Variants in CHUK observed in about 807,000 individuals in gnomAD.
CHUK encodes the protein inhibitor of nuclear factor kappa-B kinase subunit alpha.
In CHUK, 35 loss-of-function variants were observed where a neutral mutation model predicts 104.8. The observed-to-expected ratio is 0.33, with a 90% CI of 0.26 to 0.44. The LOEUF (loss-of-function observed/expected upper bound fraction) is 0.44. CHUK is among the 20% of genes least tolerant of loss of function. CHUK has a pLI of 1.00. For missense variants in CHUK, 663 were observed against 902.7 expected (o/e 0.73, Z 3.40); for synonymous variants, 276 against 291.9 (o/e 0.95, Z 0.56).
chr10:100,209,019 T>C (rs1845658379), intron 10 of CHUK, among the ~76,000 whole-genome samples: 2 of 152,164 alleles, frequency 1.3e-5, no homozygotes, highest in South Asian at 2.1e-4. Flanking sequence ...TGTGATTTAA[T>C]AGGAGACAAG....
In CHUK at chr10:100,218,058, AG is replaced by A; in HGVS notation, c.869del (p.Pro290LeufsTer6). 6.2e-7 allele frequency: 1 copy of A among 1,613,770 alleles called. No homozygotes were observed. Among genetic ancestry groups the A allele is most frequent in the Non-Finnish European group, 8.5e-7 (1 of 1,179,662 alleles). ...TTGGCTGCTTCAAAGTAAGGTCAAC[AG>A]GTCCTCCTCTCTGCTGAGGGTCCCA... ...LNWDPQQRGGPVDLTLKQPRC... is the reference protein window; with the variant it reads ...LNWDPQQRGGXVDLTLKQPRC... On this transcript the variant is annotated frameshift_variant, in exon 9 of 21. Transcript: ENST00000370397. LOFTEE classifies it high-confidence loss of function.
intron 1 of CHUK, among the ~76,000 whole-genome samples, chr10:100,226,580 T>C (rs1846111257): frequency 6.6e-6 from 1 of 152,226 alleles, no homozygotes; most frequent in South Asian, 2.1e-4. Flanking sequence ...TGCCTGTGAC[T>C]AGTAATTTAG....
intron 9 of CHUK, among the ~76,000 whole-genome samples, chr10:100,211,223 T>C (rs1845719676): frequency 6.6e-6 from 1 of 151,616 alleles, no homozygotes; most frequent in African/African-American, 2.4e-5. Flanking sequence ...AGAGCCTATC[T>C]TGTTTCATCT....
chr10:100,229,577 G>C lies in CHUK; in HGVS notation c.-45C>G, dbSNP rs1846192275. The C allele has an allele frequency of 4.7e-6, 6 of 1,267,232 alleles. No individual in the cohort carries two copies. Among genetic ancestry groups the C allele is most frequent in the Admixed American group, 4.6e-5 (2 of 43,398 alleles). 78.5% of individuals were successfully genotyped at this position (1,267,232 alleles called of 1,614,324 possible). The stretch of plus-strand genomic sequence containing the variant: ...CCTCAGGTTCCACAGTTGTTCCAAG[G>C]CCGGTTCCGGGCCGCCGATGCTCGC... On this transcript the variant is annotated 5_prime_UTR_variant, in exon 1 of 21. Transcript: ENST00000370397.
Position 100,209,653 on chromosome 10 carries a change from T to C in CHUK, c.1070A>G (p.Glu357Gly). Reference sequence around the variant, plus strand: ...CCGAGGATCCAGAGAAATTCCTGTCTCTGAAAGAAGTTCTTGAGAACCAGT... The same window carrying C: ...CCGAGGATCCAGAGAAATTCCTGTCCCTGAAAGAAGTTCTTGAGAACCAGT... Reference protein sequence around the residue: ...INTGSQELLSETGISLDPRKP... With the variant: ...INTGSQELLSGTGISLDPRKP... The change falls in exon 10 of 21, where the codon GAG becomes GGG. Residue 357 changes from glutamate (E) to glycine (G), a missense_variant. This residue lies in a region of CHUK where 93 missense variants were observed against 95.9 expected (regional missense o/e 0.97). Coordinates refer to ENST00000370397, the MANE Select transcript of CHUK (RefSeq NM_001278.5). The C allele has an allele frequency of 6.2e-7, 1 of 1,611,360 alleles. No individual in the cohort carries two copies. The highest frequency in any genetic ancestry group is 8.5e-7 in the Non-Finnish European group (1 of 1,177,510).
chr10:100,196,308 A>C (rs2134209848), intron 16 of CHUK, among the ~76,000 whole-genome samples: 1 of 152,144 alleles, frequency 6.6e-6, no homozygotes, highest in East Asian at 1.9e-4. Context: ...CCAAGCTACT[A>C]AATTATCAAC....
intron 16 of CHUK, chr10:100,194,875 T>C (rs34774030): frequency 0.07 from 12,291 of 175,750 alleles, 591 homozygotes; most frequent in African/African-American, 0.13. Context: ...TCTTGGATGA[T>C]TAACCACATA....
chr10:100,207,727 A>C (rs1030563504), intron 10 of CHUK, among the ~76,000 whole-genome samples: 7 of 152,188 alleles, frequency 4.6e-5, no homozygotes, highest in African/African-American at 1.4e-4. Flanking sequence ...GAAAAGGCAA[A>C]CTTGTGGAGA....
chr10:100,212,340 T>C (rs745727134), intron 9 of CHUK, among the ~76,000 whole-genome samples: 1 of 152,052 alleles, frequency 6.6e-6, no homozygotes, highest in South Asian at 2.1e-4. Context: ...TCCCAACAGG[T>C]GGGGGGTGAT....
chr10:100,202,949 G>A lies in CHUK; in HGVS notation c.1508-800C>T, dbSNP rs541361211. The stretch of plus-strand genomic sequence containing the variant: ...TTTTTACATTTTTTGTAGAGATGGC[G>A]TTCTACCCCATGTTGCCCAGGTTAG... On this transcript the variant is annotated intron_variant, in intron 13 of 20. Transcript: ENST00000370397. Among the ~76,000 whole-genome samples the A allele has an allele frequency of 2.6e-3, 395 of 152,138 alleles. 1 individual carries two copies. The highest frequency in any genetic ancestry group is 9.2e-3 in the African/African-American group (383 of 41,498).
At chr10:100,225,041 G>A (rs1278689560) in intron 2 of CHUK, among the ~76,000 whole-genome samples, 1 of 151,876 alleles carries the variant, frequency 6.6e-6, no homozygotes, top group Non-Finnish European at 1.5e-5. Context: ...GTAGAGATGG[G>A]GTTTTGCCAT....
intron 19 of CHUK, among the ~76,000 whole-genome samples, chr10:100,191,451 A>G (rs1845202017): frequency 6.6e-6 from 1 of 152,260 alleles, no homozygotes; most frequent in South Asian, 2.1e-4. Flanking sequence ...TGAAAAACTC[A>G]TTAGAAACTA....
At chr10:100,214,914 A>T (rs1216124881) in intron 9 of CHUK, among the ~76,000 whole-genome samples, 1 of 152,200 alleles carries the variant, frequency 6.6e-6, no homozygotes, top group Non-Finnish European at 1.5e-5. Context: ...TGACAGTGCA[A>T]ATAAGAAGTG....
At chr10:100,226,138 C>T (rs1342896893) in intron 1 of CHUK, 121 bp from the exon 2 acceptor site, 4 of 671,218 alleles carry the variant, frequency 6.0e-6, no homozygotes, top group African/African-American at 1.8e-5. Flanking sequence ...TATATTTATC[C>T]ACAGCTCTCT....
intron 3 of CHUK, among the ~76,000 whole-genome samples, 174 bp from the exon 4 acceptor site, chr10:100,222,355 A>T (rs545732323): frequency 1.3e-5 from 2 of 152,334 alleles, no homozygotes; most frequent in African/African-American, 4.8e-5. Flanking sequence ...TTTCATGATA[A>T]GGCTCATAAA....
intron 9 of CHUK, among the ~76,000 whole-genome samples, chr10:100,217,070 A>G (rs569470787): frequency 7.2e-6 from 1 of 138,358 alleles, no homozygotes; most frequent in African/African-American, 3.3e-5. Flanking sequence ...ACAGAAATGG[A>G]TATCCAGGCA....
chr10:100,189,708 C>T, intron 20 of CHUK, 81 bp from the exon 21 acceptor site: 1 of 958,110 alleles, frequency 1.0e-6, no homozygotes, highest in Non-Finnish European at 1.7e-6. Context: ...TGCAAGTTTT[C>T]TGTTTGGACA....
intron 20 of CHUK, chr10:100,190,317 G>A (rs534586705): frequency 6.0e-6 from 1 of 167,528 alleles, no homozygotes; most frequent in African/African-American, 2.4e-5. Context: ...CACCATGCCT[G>A]GCCACTGCTA....
intron 16 of CHUK, among the ~76,000 whole-genome samples, chr10:100,196,150 A>G (rs1253226264): frequency 1.3e-5 from 2 of 152,184 alleles, no homozygotes; most frequent in African/African-American, 4.8e-5. Context: ...TCTATTTGAA[A>G]TCTTAGATTT....
Sources: allele counts gnomAD v4.1 joint callset (sites outside exome capture counted in the v4.1 genomes callset), GRCh38; gene constraint gnomAD v4.1.1; regional missense constraint gnomAD v4.1.1; transcripts MANE v1.5; gene names NCBI Gene and HGNC (gene_info 2026-07-23, HGNC 2026-07-21).